CSGALNACT1: variants seen among roughly 807,000 people sequenced by gnomAD.
CSGALNACT1 encodes the protein beta4GalNAcT-1.
In CSGALNACT1, 52 loss-of-function variants were observed where a neutral mutation model predicts 51.0. That is an observed-to-expected ratio of 1.02 (90% CI 0.82 to 1.29). The LOEUF is 1.29. CSGALNACT1 is among the 50% of genes most tolerant of loss of function. The pLI is 0.00. For missense variants in CSGALNACT1, 935 were observed against 679.2 expected, an observed-to-expected ratio of 1.38 and a Z score of -4.19; for synonymous variants, 341 against 254.4, an observed-to-expected ratio of 1.34 and a Z score of -3.24.
chr8:19,520,333 C>T (rs936384665), intron 3 of CSGALNACT1, among the ~76,000 whole-genome samples: 6 of 152,288 alleles, frequency 3.9e-5, no homozygotes, highest in African/African-American at 1.4e-4. Flanking sequence ...AGCCCAATAA[C>T]ACATAAATGC....
intron 1 of CSGALNACT1, among the ~76,000 whole-genome samples, chr8:19,748,458 T>C (rs2064820557): frequency 6.6e-6 from 1 of 152,128 alleles, no homozygotes; most frequent in Non-Finnish European, 1.5e-5. Flanking sequence ...CTAAAGCAAA[T>C]ATAGCATGCT....
chr8:19,447,176 A>T (rs1223221244), intron 5 of CSGALNACT1, among the ~76,000 whole-genome samples: 1 of 152,176 alleles, frequency 6.6e-6, no homozygotes. Context: ...AAGGCACAAA[A>T]GCCAGGTTTC....
At chr8:19,477,294 G>C (rs1435033802) in intron 4 of CSGALNACT1, among the ~76,000 whole-genome samples, 1 of 152,138 alleles carries the variant, frequency 6.6e-6, no homozygotes, top group African/African-American at 2.4e-5. Flanking sequence ...CCCTGTGTAG[G>C]ACAAAGATTT....
chr8:19,464,236 G>C (rs2153831335), intron 4 of CSGALNACT1, among the ~76,000 whole-genome samples: 1 of 152,190 alleles, frequency 6.6e-6, no homozygotes, highest in African/African-American at 2.4e-5. Flanking sequence ...CTCCCAGCTG[G>C]ATAACAAGAA....
At chr8:19,484,220 C>A (rs1586950827) in intron 4 of CSGALNACT1, among the ~76,000 whole-genome samples, 1 of 114,352 alleles carries the variant, frequency 8.7e-6, no homozygotes, top group East Asian at 1.9e-4. Flanking sequence ...CAAAGAGAAG[C>A]CATAAAGAGC....
intron 3 of CSGALNACT1, among the ~76,000 whole-genome samples, chr8:19,530,587 C>T (rs1317468838): frequency 5.3e-5 from 8 of 152,028 alleles, no homozygotes; most frequent in East Asian, 1.9e-4. Context: ...AATTGTTCAC[C>T]GGGCACAGTG....
chr8:19,593,671 C>A (rs941815422), intron 2 of CSGALNACT1, among the ~76,000 whole-genome samples: 1 of 152,198 alleles, frequency 6.6e-6, no homozygotes, highest in Non-Finnish European at 1.5e-5. Flanking sequence ...CATCTTAAAT[C>A]AAATGAGCTG....
exon 5 of CSGALNACT1, chr8:19,458,438 A>G (rs1235969474): frequency 3.7e-6 from 6 of 1,614,048 alleles, no homozygotes; most frequent in Non-Finnish European, 5.1e-6. Flanking sequence ...GAAATTCTGC[A>G]TGAACTGCCG....
chr8:19,557,346 G>C (rs1277964282), intron 3 of CSGALNACT1, among the ~76,000 whole-genome samples: 1 of 152,056 alleles, frequency 6.6e-6, no homozygotes, highest in African/African-American at 2.4e-5. Context: ...CTATTATATG[G>C]CAGCAGAGGG....
At chr8:19,619,757 T>A (rs1255622851) in intron 1 of CSGALNACT1, among the ~76,000 whole-genome samples, 1 of 152,110 alleles carries the variant, frequency 6.6e-6, no homozygotes, top group Non-Finnish European at 1.5e-5. Flanking sequence ...AGACTTTGAG[T>A]TCCAAATACT....
intron 1 of CSGALNACT1, among the ~76,000 whole-genome samples, chr8:19,629,589 T>C (rs1269688822): frequency 9.8e-5 from 15 of 152,348 alleles, no homozygotes; most frequent in Non-Finnish European, 1.5e-4. Context: ...GTTATATACA[T>C]TGTTAAACTT....
chr8:19,585,288 G>C (rs1164311165), intron 3 of CSGALNACT1: 1 of 152,320 alleles, frequency 6.6e-6, no homozygotes, highest in South Asian at 2.1e-4. Context: ...TGCTGGTTGA[G>C]TTGACACTCT....
chr8:19,442,742 C>T (rs1043091300), intron 5 of CSGALNACT1, among the ~76,000 whole-genome samples: 1 of 150,208 alleles, frequency 6.7e-6, no homozygotes, highest in Non-Finnish European at 1.5e-5. Flanking sequence ...CTATGAAGTA[C>T]GAAAGATGAG....
chr8:19,506,260 T>C (rs1587455130), intron 3 of CSGALNACT1, 130 bp from the exon 3 acceptor site: 1 of 369,022 alleles, frequency 2.7e-6, no homozygotes, highest in East Asian at 7.2e-5. Context: ...TGATTAAATA[T>C]TGTTAAATGT....
intron 3 of CSGALNACT1, among the ~76,000 whole-genome samples, chr8:19,550,101 G>T (rs1588182660): frequency 2.6e-5 from 4 of 152,146 alleles, no homozygotes. Flanking sequence ...GCATTTTTGT[G>T]TAGTTGTCTC....
chr8:19,410,803 G>A (rs1327120667), intron 8 of CSGALNACT1, among the ~76,000 whole-genome samples: 1 of 152,218 alleles, frequency 6.6e-6, no homozygotes, highest in Non-Finnish European at 1.5e-5. Context: ...TTGAAATTTA[G>A]CCCTTTGTGG....
At chr8:19,556,320 G>A (rs1212237496) in intron 3 of CSGALNACT1, among the ~76,000 whole-genome samples, 1 of 151,508 alleles carries the variant, frequency 6.6e-6, no homozygotes, top group Admixed American at 6.6e-5. Context: ...AGGTTGCAGT[G>A]AGCCGAAATT....
At chr8:19,462,693 A>C (rs1359292812) in intron 4 of CSGALNACT1, among the ~76,000 whole-genome samples, 1 of 152,184 alleles carries the variant, frequency 6.6e-6, no homozygotes, top group Non-Finnish European at 1.5e-5. Context: ...TCTGTCTTCC[A>C]CATACCATGC....
intron 4 of CSGALNACT1, among the ~76,000 whole-genome samples, chr8:19,496,422 T>G (rs7818871): frequency 0.19 from 29,063 of 152,134 alleles, 2,987 homozygotes; most frequent in African/African-American, 0.22. Flanking sequence ...CTCTGCTTGA[T>G]GGTTGGAACT....
Sources: gnomAD v4.1 joint callset for allele counts (sites outside exome capture counted in the v4.1 genomes callset) on GRCh38, gnomAD v4.1.1 for gene constraint, MANE v1.5 for transcripts, NCBI Gene and HGNC (gene_info 2026-07-23, HGNC 2026-07-21) for gene names.